Variants in PLD4 observed in about 807,000 individuals in gnomAD.
PLD4 encodes phospholipase D family member 4, also known as 5'-3' exonuclease PLD4.
Under a neutral mutation model 52.3 loss-of-function variants are expected in PLD4, and 54 were observed. The ratio of observed to expected loss-of-function variants is 1.03; its 90% confidence interval spans 0.83 to 1.30. The LOEUF (loss-of-function observed/expected upper bound fraction) is 1.30, where lower values mean the gene tolerates loss of function less well. Ranked by LOEUF, PLD4 falls within the 50% of genes most tolerant of loss-of-function variation. The probability of loss-of-function intolerance (pLI) is 0.00; values close to 1 mark genes in which losing one functional copy is unlikely to be tolerated. For synonymous variants in PLD4, 264 were observed against 286.5 expected (o/e 0.92, Z 0.79); for missense variants, 731 against 671.1 (o/e 1.09, Z -0.99).
intron 5 of PLD4, among the ~76,000 whole-genome samples, 153 bp downstream of exon 5, chr14:104,929,580 G>A (rs1897574864): frequency 6.6e-6 from 1 of 152,220 alleles, no homozygotes. Context: ...GGGCTCTGAG[G>A]TCCTTTGAGT....
At chr14:104,936,344 C>T (rs1242047876), downstream of PLD4, 6 of 152,200 alleles carry the variant, frequency 3.9e-5, no homozygotes, top group Non-Finnish European at 8.8e-5. Context: ...GGATGAGTGT[C>T]CACCAAATTT....
downstream of PLD4, chr14:104,935,484 G>A (rs1471234218): frequency 6.6e-6 from 1 of 152,264 alleles, no homozygotes; most frequent in Admixed American, 6.5e-5. Context: ...GGCCCCTTCT[G>A]GGCTATAGCA....
chr14:104,935,946 A>C (rs1337404690), downstream of PLD4: 1 of 152,124 alleles, frequency 6.6e-6, no homozygotes, highest in Non-Finnish European at 1.5e-5. Context: ...TGAGCAGAGA[A>C]CCCAACAAAG....
intron 1 of PLD4, 122 bp from the exon 2 acceptor site, chr14:104,927,019 G>A: frequency 1.2e-6 from 1 of 831,738 alleles, no homozygotes; most frequent in Non-Finnish European, 1.7e-6. Flanking sequence ...ATGAGTGGGG[G>A]GCTTTTGGGG....
In PLD4 at chr14:104,927,495, G is replaced by A. The variant is rs115044172; in HGVS notation, c.91-178G>A. On this transcript the variant is annotated intron_variant, in intron 2 of 10. Coordinates refer to ENST00000392593, the MANE Select transcript of PLD4 (RefSeq NM_138790.5). ...CTGACCCCTGCCACCACCCTGGGCT[G>A]GGGGCCTTCTCTGTATCACCCTCCC... Among the ~76,000 whole-genome samples, 347 of 152,322 alleles carry A rather than the reference G, an allele frequency of 2.3e-3. 4 individuals carry two copies. The highest frequency in any genetic ancestry group is 8.0e-3 in the African/African-American group (334 of 41,562).
At position 104,932,868 on chromosome 14, in the gene PLD4, G is replaced by A. The variant is rs779138873; in HGVS notation, c.1425G>A (p.Glu475=). The change falls in exon 11 of 11, where the codon GAG becomes GAA. Residue 475 remains glutamate, a synonymous_variant. Transcript: ENST00000392593. The surrounding 1 kb of genome is among the most constrained non-coding windows in gnomAD (Gnocchi z 6.5). ...AGCCCGCGGGGGCCACGGTGCAGGA[G>A]CAGCTGCGGCAGCTCTTTGAGCGGG... The part of the protein sequence containing the change: ...GAQPAGATVQ[E]QLRQLFERDW... The A allele has an allele frequency of 5.6e-6, 9 of 1,603,870 alleles. No individual in the cohort carries two copies. The highest frequency in any genetic ancestry group is 3.3e-4 in the Middle Eastern group (2 of 6,062).
In PLD4 at chr14:104,928,770, C is replaced by A; in HGVS notation, c.306C>A (p.Ile102=). Residue 102 remains isoleucine, a synonymous_variant, in exon 4 of 11, where the codon ATC becomes ATA. Coordinates refer to ENST00000392593, the MANE Select transcript of PLD4 (RefSeq NM_138790.5). ...DSCQLVLVES[I]PQDLPSAAGS... ...ACAGGCTTGTCCTTGTGGAAAGCAT[C>A]CCCCAGGACCTGCCATCTGCAGCCG... 1 of 1,593,632 alleles carries A rather than the reference C, an allele frequency of 6.3e-7. No homozygotes were observed. The highest frequency in any genetic ancestry group is 1.1e-5 in the South Asian group (1 of 90,046).
intron 4 of PLD4, 107 bp from the exon 5 acceptor site, chr14:104,929,200 C>T (rs1410108885): frequency 4.0e-6 from 6 of 1,491,982 alleles, no homozygotes; most frequent in East Asian, 4.9e-5. Context: ...TGACCTTGAG[C>T]TGTGGGCAGT....
In PLD4 at chr14:104,932,004, A is replaced by C. The variant is rs756150793; in HGVS notation, c.1059-8A>C. On this transcript the variant is annotated splice_region_variant and splice_polypyrimidine_tract_variant and intron_variant, in intron 8 of 10. Coordinates refer to ENST00000392593, the MANE Select transcript of PLD4 (RefSeq NM_138790.5). The surrounding 1 kb of genome is among the most constrained non-coding windows in gnomAD (Gnocchi z 6.5). ...TGTAAGCAGAGCCCCGTCCCTCCCC[A>C]CCCCAAGGTACTGGCCGGTGCTGGA... The C allele has an allele frequency of 1.3e-6, 2 of 1,567,556 alleles. No homozygotes were observed. The highest frequency in any genetic ancestry group is 1.7e-6 in the Non-Finnish European group (2 of 1,158,310).
downstream of PLD4, chr14:104,933,990 G>A (rs1897750793): frequency 9.0e-6 from 1 of 110,990 alleles, no homozygotes; most frequent in Admixed American, 8.9e-5. Context: ...GGGAGGGTGG[G>A]AGGGGACCCG....
At chr14:104,927,042 G>A (rs1897478485) in intron 1 of PLD4, 99 bp from the exon 2 acceptor site, 3 of 1,083,726 alleles carry the variant, frequency 2.8e-6, no homozygotes, top group Non-Finnish European at 3.7e-6. Flanking sequence ...TTATGTGGGT[G>A]TCTGTGCAGG....
downstream of PLD4, chr14:104,936,070 C>T (rs1897802297): frequency 6.6e-6 from 1 of 152,220 alleles, no homozygotes; most frequent in African/African-American, 2.4e-5. Context: ...ACACAGAGAA[C>T]CAAGGCCACG....
intron 1 of PLD4, among the ~76,000 whole-genome samples, chr14:104,925,412 G>T (rs141453584): frequency 6.6e-6 from 1 of 152,194 alleles, no homozygotes; most frequent in East Asian, 1.9e-4. Flanking sequence ...GTGGTGAGGC[G>T]CTCTGGGGTC....
downstream of PLD4, chr14:104,934,802 G>A (rs1306394395): frequency 1.3e-5 from 2 of 152,332 alleles, no homozygotes; most frequent in Middle Eastern, 3.4e-3. Flanking sequence ...TACAGTACAA[G>A]TTACTTTTCT....
At chr14:104,927,002 C>A in intron 1 of PLD4, 139 bp from the exon 2 acceptor site, 1 of 703,666 alleles carries the variant, frequency 1.4e-6, no homozygotes. Context: ...AGGGCGTGAC[C>A]TCGGGCATGA....
At chr14:104,928,994 A>G in intron 4 of PLD4, 62 bp downstream of exon 4, 5 of 1,537,536 alleles carry the variant, frequency 3.3e-6, no homozygotes, top group Non-Finnish European at 4.4e-6. Flanking sequence ...CAGGCTGCCT[A>G]TCTATGCAGG....
chr14:104,931,875 G>T lies in PLD4; in HGVS notation c.1046G>T (p.Ser349Ile). 6.5e-7 allele frequency: 1 copy of T among 1,540,218 alleles called. No individual in the cohort carries two copies. Among genetic ancestry groups the T allele is most frequent in the Non-Finnish European group, 8.8e-7 (1 of 1,139,756 alleles). ...VMEYFPTTRF[S>I]HPPRYWPVLD... ...GAGTATTTCCCCACCACGCGCTTCA[G>T]CCACCCCCCGAGGTAGGTCTGAGTG... Residue 349 changes from serine to isoleucine, a missense_variant, in exon 8 of 11, where the codon AGC (serine) becomes ATC (isoleucine). Ser to Ile is a moderately radical substitution (Grantham distance 142). Coordinates refer to ENST00000392593, the MANE Select transcript of PLD4 (RefSeq NM_138790.5).
chr14:104,935,219 C>G (rs1294184916), downstream of PLD4: 2 of 152,314 alleles, frequency 1.3e-5, no homozygotes, highest in African/African-American at 4.8e-5. Context: ...TGGCCTTATA[C>G]CTGAATGTGT....
rs1457942692 is a variant in PLD4 at position 104,933,182 on chromosome 14, G to A, written c.*218G>A. On this transcript the variant is annotated 3_prime_UTR_variant, in exon 11 of 11. Coordinates refer to ENST00000392593, the MANE Select transcript of PLD4 (RefSeq NM_138790.5). ...CCTCCTCCAGGGAGCCCTCCAGGAA[G>A]CCCCTTCCCTGACTCCTGGCCCACA... is the stretch of plus-strand genomic sequence containing the variant. 4.3e-5 allele frequency: 23 copies of A among 538,746 alleles called. No individual in the cohort carries two copies. The Admixed American group carries it at 8.5e-4, about 20-fold the overall frequency. The allele number at this position is 538,746 out of a possible 1,614,324, so 33.4% of individuals were successfully genotyped here.
Sources: allele counts gnomAD v4.1 joint callset (sites outside exome capture counted in the v4.1 genomes callset), GRCh38; gene constraint gnomAD v4.1.1; non-coding constraint Gnocchi (gnomAD v3.1); transcripts MANE v1.5; gene names NCBI Gene and HGNC (gene_info 2026-07-23, HGNC 2026-07-21).